Variants in PTPRT observed in about 807,000 individuals in gnomAD.
PTPRT encodes the protein receptor-type tyrosine-protein phosphatase T.
PTPRT carries 56 observed loss-of-function variants against 176.8 expected under a neutral mutation model. The observed-to-expected ratio is 0.32, with a 90% CI of 0.26 to 0.40. The LOEUF (loss-of-function observed/expected upper bound fraction) is 0.40. PTPRT is among the 10% of genes least tolerant of loss of function. PTPRT has a pLI of 1.00. For synonymous variants in PTPRT, 783 were observed against 739.0 expected, an observed-to-expected ratio of 1.06 and a Z score of -0.96; for missense variants, 1,540 against 1,908.2, an observed-to-expected ratio of 0.81 and a Z score of 3.60.
intron 1 of PTPRT, among the ~76,000 whole-genome samples, chr20:43,062,405 A>C (rs1459912411): frequency 6.6e-6 from 1 of 152,218 alleles, no homozygotes. Flanking sequence ...AATACATGCC[A>C]AACACCTGGG....
At chr20:42,510,732 G>A (rs2071939851) in intron 7 of PTPRT, among the ~76,000 whole-genome samples, 1 of 152,172 alleles carries the variant, frequency 6.6e-6, no homozygotes, top group South Asian at 2.1e-4. Context: ...CTGCAAGCAG[G>A]TGGCAAAGCC....
intron 2 of PTPRT, among the ~76,000 whole-genome samples, chr20:42,876,015 T>TTACC (rs1470318435): frequency 1.3e-5 from 2 of 152,196 alleles, no homozygotes; most frequent in African/African-American, 4.8e-5. Context: ...TATTACCACA[T>TTACC]ACAGATACTC....
chr20:42,242,979 G>A (rs1454095582), intron 14 of PTPRT, among the ~76,000 whole-genome samples: 1 of 149,494 alleles, frequency 6.7e-6, no homozygotes, highest in African/African-American at 2.5e-5. Flanking sequence ...TCATGCAATA[G>A]GGCTATAGAG....
At chr20:42,533,440 TCAGTCAATCAATTACCTGGAAAC>T (rs1417316526) in intron 7 of PTPRT, among the ~76,000 whole-genome samples, 4 of 152,170 alleles carry the variant, frequency 2.6e-5, no homozygotes, top group African/African-American at 9.6e-5. Flanking sequence ...ATGATGTCTT[TCAGTCAATCAATTACCTGGAAAC>T]CAGGAGTAGG....
intron 11 of PTPRT, among the ~76,000 whole-genome samples, chr20:42,330,283 CA>C (rs888932421): frequency 2.8e-4 from 43 of 152,106 alleles, no homozygotes; most frequent in Middle Eastern, 3.4e-3. Context: ...CTAGCCTCGC[CA>C]ACATCGTGAA....
chr20:42,587,424 A>G (rs1223921496), intron 7 of PTPRT, among the ~76,000 whole-genome samples: 1 of 152,212 alleles, frequency 6.6e-6, no homozygotes, highest in East Asian at 1.9e-4. Flanking sequence ...AGATAAACTC[A>G]TATCTTGACC....
intron 7 of PTPRT, among the ~76,000 whole-genome samples, chr20:42,487,924 T>G (rs1167586059): frequency 6.6e-6 from 1 of 152,248 alleles, no homozygotes; most frequent in Non-Finnish European, 1.5e-5. Flanking sequence ...TTTTATACAC[T>G]GTCTTCTGCC....
At chr20:42,898,490 T>C (rs929531905) in intron 1 of PTPRT, among the ~76,000 whole-genome samples, 1 of 152,166 alleles carries the variant, frequency 6.6e-6, no homozygotes, top group African/African-American at 2.4e-5. Flanking sequence ...TTATAGGCAC[T>C]GTCCCCCACC....
At chr20:42,149,443 GA>G in intron 17 of PTPRT, among the ~76,000 whole-genome samples, 1 of 145,890 alleles carries the variant, frequency 6.9e-6, no homozygotes, top group African/African-American at 2.6e-5. Flanking sequence ...TTTTTGAGAT[GA>G]TGGAATTTCC....
chr20:42,992,777 G>A (rs1983991785), intron 1 of PTPRT, among the ~76,000 whole-genome samples: 1 of 152,142 alleles, frequency 6.6e-6, no homozygotes, highest in Non-Finnish European at 1.5e-5. Flanking sequence ...TGATGTCACT[G>A]GCACAACTGC....
At chr20:42,710,938 A>C (rs945843776) in intron 6 of PTPRT, among the ~76,000 whole-genome samples, 5 of 152,246 alleles carry the variant, frequency 3.3e-5, no homozygotes, top group African/African-American at 1.2e-4. Flanking sequence ...ATAGAGTCAA[A>C]GGAGGTTGTT....
chr20:42,385,523 A>G (rs1160702220), intron 9 of PTPRT, among the ~76,000 whole-genome samples: 1 of 152,206 alleles, frequency 6.6e-6, no homozygotes, highest in Non-Finnish European at 1.5e-5. Flanking sequence ...CATTCTGGAG[A>G]TCTGATATAC....
At chr20:42,379,495 A>G (rs2058679994) in intron 9 of PTPRT, among the ~76,000 whole-genome samples, 1 of 152,234 alleles carries the variant, frequency 6.6e-6, no homozygotes, top group Non-Finnish European at 1.5e-5. Flanking sequence ...TGAGGCATCC[A>G]GTGCATGCTT....
chr20:42,715,872 T>C (rs1475346358), intron 6 of PTPRT, among the ~76,000 whole-genome samples: 2 of 152,194 alleles, frequency 1.3e-5, no homozygotes, highest in Non-Finnish European at 2.9e-5. Context: ...AAAGCTTGTA[T>C]GGAAGTATAA....
intron 9 of PTPRT, among the ~76,000 whole-genome samples, chr20:42,394,273 C>T (rs79433413): frequency 0.068 from 10,373 of 151,876 alleles, 435 homozygotes; most frequent in African/African-American, 0.12. Context: ...TATTCCACCT[C>T]GAGAATAAAT....
At chr20:42,791,075 A>C (rs2077367418) in intron 3 of PTPRT, 120 bp downstream of exon 3, 3 of 1,268,718 alleles carry the variant, frequency 2.4e-6, no homozygotes, top group Non-Finnish European at 3.2e-6. Flanking sequence ...TAGGAGGAGA[A>C]GCACAGTAAA....
intron 1 of PTPRT, among the ~76,000 whole-genome samples, chr20:42,943,501 A>T (rs1980695255): frequency 6.6e-6 from 1 of 152,128 alleles, no homozygotes; most frequent in Non-Finnish European, 1.5e-5. Flanking sequence ...GGTGCCAGGC[A>T]TGAGCAGCAG....
intron 6 of PTPRT, among the ~76,000 whole-genome samples, chr20:42,703,787 C>T (rs1263102218): frequency 1.3e-5 from 2 of 152,140 alleles, no homozygotes; most frequent in Non-Finnish European, 2.9e-5. Flanking sequence ...AAACCAGATG[C>T]CACCTCTACT....
chr20:43,118,169 T>C (rs1461642471), intron 1 of PTPRT, among the ~76,000 whole-genome samples: 1 of 152,182 alleles, frequency 6.6e-6, no homozygotes, highest in African/African-American at 2.4e-5. Context: ...TGAGCAAGGC[T>C]CATGAGGTCG....
Sources: gnomAD v4.1 joint callset for allele counts (sites outside exome capture counted in the v4.1 genomes callset) on GRCh38, gnomAD v4.1.1 for gene constraint, MANE v1.5 for transcripts, NCBI Gene and HGNC (gene_info 2026-07-23, HGNC 2026-07-21) for gene names.